PDE4B: variants seen among roughly 807,000 people sequenced by gnomAD.
The protein encoded by PDE4B is phosphodiesterase 4B, also known as 3',5'-cyclic-AMP phosphodiesterase 4B.
Under a neutral mutation model 82.2 loss-of-function variants are expected in PDE4B, and 20 were observed. The ratio of observed to expected loss-of-function variants is 0.24; its 90% CI spans 0.17 to 0.35. The LOEUF is 0.35. Among genes scored for constraint, PDE4B ranks in the 10% least tolerant of loss-of-function variants. PDE4B has a pLI of 1.00. For synonymous variants in PDE4B, 320 were observed against 318.9 expected, an observed-to-expected ratio of 1.00 and a Z score of -0.04; for missense variants, 655 against 907.2, an observed-to-expected ratio of 0.72 and a Z score of 3.57.
intron 3 of PDE4B, among the ~76,000 whole-genome samples, chr1:65,996,435 G>T (rs1365632709): frequency 1.3e-5 from 2 of 151,818 alleles, no homozygotes; most frequent in Non-Finnish European, 2.9e-5. Context: ...TGGTGCCAGC[G>T]TTTTCTTTTT....
At chr1:66,068,670 T>G (rs1655995680) in intron 3 of PDE4B, among the ~76,000 whole-genome samples, 1 of 151,950 alleles carries the variant, frequency 6.6e-6, no homozygotes. Flanking sequence ...CATTTAAATA[T>G]AATCGCTCAT....
intron 3 of PDE4B, among the ~76,000 whole-genome samples, chr1:65,977,781 A>G (rs1484240479): frequency 6.6e-6 from 1 of 152,120 alleles, no homozygotes; most frequent in East Asian, 1.9e-4. Context: ...CTAAGGAGAA[A>G]GTTTTACTTT....
chr1:66,185,399 C>T (rs1174012283), intron 3 of PDE4B, among the ~76,000 whole-genome samples: 3 of 152,144 alleles, frequency 2.0e-5, no homozygotes, highest in African/African-American at 7.2e-5. Context: ...AGTTCTAGAT[C>T]CCTGAGGAAT....
At chr1:66,310,332 T>A (rs192744478) in intron 7 of PDE4B, among the ~76,000 whole-genome samples, 97 of 152,210 alleles carry the variant, frequency 6.4e-4, no homozygotes, top group Non-Finnish European at 1.2e-3. Context: ...AATCTCCCAA[T>A]ACCCAGTTCA....
At chr1:66,027,059 T>TG (rs1653476062) in intron 3 of PDE4B, among the ~76,000 whole-genome samples, 1 of 152,242 alleles carries the variant, frequency 6.6e-6, no homozygotes, top group African/African-American at 2.4e-5. Flanking sequence ...ACCTGTTAGC[T>TG]TTAATGTATT....
chr1:65,920,532 A>G (rs764213339), intron 3 of PDE4B, among the ~76,000 whole-genome samples: 20 of 152,338 alleles, frequency 1.3e-4, no homozygotes, highest in Non-Finnish European at 1.3e-4. Context: ...CATTTGGGGC[A>G]TGCTTGTTTC....
intron 1 of PDE4B, among the ~76,000 whole-genome samples, chr1:65,882,816 A>G (rs1269853650): frequency 6.6e-6 from 1 of 152,176 alleles, no homozygotes; most frequent in Non-Finnish European, 1.5e-5. Context: ...ATAAAGATTA[A>G]AAAAGCAATT....
intron 3 of PDE4B, among the ~76,000 whole-genome samples, chr1:66,006,094 T>C (rs185911936): frequency 6.6e-6 from 1 of 152,336 alleles, no homozygotes; most frequent in Admixed American, 6.5e-5. Context: ...AAAATGTGTC[T>C]CAGCTTTAAA....
intron 3 of PDE4B, among the ~76,000 whole-genome samples, chr1:66,080,976 T>C (rs1656693357): frequency 6.6e-6 from 1 of 152,044 alleles, no homozygotes; most frequent in Admixed American, 6.6e-5. Context: ...AATATTTAGC[T>C]CCCACTTGTA....
intron 3 of PDE4B, among the ~76,000 whole-genome samples, chr1:66,118,136 T>G (rs2101069881): frequency 6.6e-6 from 1 of 152,356 alleles, no homozygotes; most frequent in East Asian, 1.9e-4. Flanking sequence ...TTCATATCCT[T>G]CACCCACTTG....
chr1:65,819,703 G>T (rs979147195), intron 1 of PDE4B, among the ~76,000 whole-genome samples: 2 of 151,984 alleles, frequency 1.3e-5, no homozygotes, highest in African/African-American at 4.8e-5. Flanking sequence ...GTTTCACCGT[G>T]TTAGCCAGGA....
chr1:66,354,589 G>C (rs996023397), intron 8 of PDE4B: 3 of 1,306,996 alleles, frequency 2.3e-6, no homozygotes, highest in South Asian at 1.9e-5. Context: ...TTGCTCCTTC[G>C]TGCAATTCCT....
chr1:66,027,645 C>G (rs1222036209), intron 3 of PDE4B, among the ~76,000 whole-genome samples: 1 of 152,194 alleles, frequency 6.6e-6, no homozygotes, highest in Non-Finnish European at 1.5e-5. Context: ...AAGCTAGTTA[C>G]TTCCTAGATA....
intron 3 of PDE4B, among the ~76,000 whole-genome samples, chr1:66,061,597 T>A (rs1355241235): frequency 6.6e-6 from 1 of 152,126 alleles, no homozygotes; most frequent in Non-Finnish European, 1.5e-5. Flanking sequence ...TTGTGTAAAA[T>A]TGATAAAGGT....
intron 3 of PDE4B, among the ~76,000 whole-genome samples, chr1:65,970,586 G>C (rs1023505476): frequency 1.3e-5 from 2 of 152,110 alleles, no homozygotes; most frequent in Non-Finnish European, 1.5e-5. Context: ...TCAACTGGGG[G>C]AAATAGATAT....
chr1:66,091,000 AG>A (rs1645012296), intron 3 of PDE4B, among the ~76,000 whole-genome samples: 1 of 152,008 alleles, frequency 6.6e-6, no homozygotes, highest in Non-Finnish European at 1.5e-5. Context: ...AATTGGGAAA[AG>A]AAAAAATGTG....
intron 4 of PDE4B, among the ~76,000 whole-genome samples, chr1:66,250,878 A>C (rs1472619612): frequency 1.3e-5 from 2 of 152,354 alleles, no homozygotes; most frequent in South Asian, 4.1e-4. Flanking sequence ...CCATTTTGCA[A>C]AGCCTTACAC....
chr1:66,055,394 A>G (rs2100875949), intron 3 of PDE4B, among the ~76,000 whole-genome samples: 1 of 152,382 alleles, frequency 6.6e-6, no homozygotes, highest in South Asian at 2.1e-4. Context: ...TTGTAAGAAT[A>G]AAAATAGATA....
chr1:65,857,394 T>A (rs1646405034), intron 1 of PDE4B, among the ~76,000 whole-genome samples: 1 of 152,252 alleles, frequency 6.6e-6, no homozygotes, highest in Non-Finnish European at 1.5e-5. Context: ...TTTTCTGTGA[T>A]TCCACCTCTT....
Sources: gnomAD v4.1 joint callset for allele counts (sites outside exome capture counted in the v4.1 genomes callset) on GRCh38, gnomAD v4.1.1 for gene constraint, MANE v1.5 for transcripts, NCBI Gene and HGNC (gene_info 2026-07-23, HGNC 2026-07-21) for gene names.